The following PWP1 variants were observed in gnomAD, a reference collection of about 807,000 sequenced individuals.
The protein encoded by PWP1 is PWP1 homolog, endonuclein.
A neutral mutation model predicts 69.9 loss-of-function variants in PWP1; 47 were observed. The observed-to-expected ratio is 0.67, with a 90% CI of 0.53 to 0.86. The LOEUF (loss-of-function observed/expected upper bound fraction) is 0.86, where lower values mean the gene tolerates loss of function less well. Ranked by LOEUF, PWP1 falls within the 40% of genes least tolerant of loss-of-function variation. The pLI, the probability that PWP1 is intolerant of heterozygous loss-of-function variation, is 0.00. For synonymous variants in PWP1, 222 were observed against 208.2 expected (o/e 1.07, Z -0.57); for missense variants, 551 against 608.8 (o/e 0.91, Z 1.00).
chr12:107,702,910 C>G (rs1430502460), intron 8 of PWP1, 25 bp from the exon 9 acceptor site: 1 of 1,435,106 alleles, frequency 7.0e-7, no homozygotes, highest in East Asian at 2.3e-5. Context: ...AAAAGATTAC[C>G]TGATTGGATT....
chr12:107,694,938 G>A (rs763347327), intron 5 of PWP1, among the ~76,000 whole-genome samples: 58 of 152,148 alleles, frequency 3.8e-4, no homozygotes, highest in Non-Finnish European at 2.1e-4. Flanking sequence ...TTGATCTCAC[G>A]TGGTTAAGAG....
chr12:107,711,040 C>G (rs1442191599), intron 14 of PWP1, among the ~76,000 whole-genome samples: 2 of 152,310 alleles, frequency 1.3e-5, no homozygotes, highest in South Asian at 2.1e-4. Context: ...TCAGAGCAGA[C>G]AGCCCCGAAC....
chr12:107,687,117 A>T (rs1351500059), intron 1 of PWP1, among the ~76,000 whole-genome samples: 1 of 152,110 alleles, frequency 6.6e-6, no homozygotes, highest in East Asian at 1.9e-4. Context: ...CAAGATAATG[A>T]TGATGGTGAT....
At chr12:107,689,401 G>A (rs1368499852) in intron 3 of PWP1, among the ~76,000 whole-genome samples, 1 of 152,160 alleles carries the variant, frequency 6.6e-6, no homozygotes, top group Non-Finnish European at 1.5e-5. Context: ...TATCCCCCGT[G>A]GATAAGGGGG....
intron 6 of PWP1, 69 bp downstream of exon 6, chr12:107,696,653 A>T (rs760051086): frequency 1.3e-6 from 2 of 1,592,484 alleles, no homozygotes; most frequent in Middle Eastern, 1.7e-4. Flanking sequence ...TCCATAAATT[A>T]TGTATTCTCT....
chr12:107,693,067 A>G lies in PWP1; in HGVS notation c.473A>G (p.Glu158Gly). The change falls in exon 5 of 15, where the codon GAA becomes GGA. Residue 158 changes from glutamate to glycine, a missense_variant. Physicochemically the swap from Glu to Gly is moderately conservative, Grantham distance 98. Coordinates refer to ENST00000412830, the MANE Select transcript of PWP1 (RefSeq NM_007062.3). ...SDNLIVCGRA[E>G]QDQCNLEVHV... ...AATCTTATAGTTTGTGGCCGAGCTGAACAGGACCAGTGCAATTTAGAGGTG... is the reference window on the plus strand; with the variant it reads ...AATCTTATAGTTTGTGGCCGAGCTGGACAGGACCAGTGCAATTTAGAGGTG... 1 of 1,614,048 alleles carries G rather than the reference A, an allele frequency of 6.2e-7. No homozygotes were observed. Among genetic ancestry groups the G allele is most frequent in the Non-Finnish European group, 8.5e-7 (1 of 1,179,988 alleles).
intron 1 of PWP1, among the ~76,000 whole-genome samples, chr12:107,686,510 A>C (rs1024709568): frequency 2.6e-5 from 4 of 152,218 alleles, no homozygotes; most frequent in African/African-American, 9.6e-5. Context: ...TGATGGTAGC[A>C]GGGAGGATGA....
intron 3 of PWP1, among the ~76,000 whole-genome samples, chr12:107,691,579 G>A (rs1889479866): frequency 6.6e-6 from 1 of 151,940 alleles, no homozygotes; most frequent in Admixed American, 6.6e-5. Context: ...ATGAGGAGGA[G>A]GACATGGAAG....
intron 5 of PWP1, among the ~76,000 whole-genome samples, chr12:107,694,751 G>C (rs1297207554): frequency 6.6e-6 from 1 of 151,844 alleles, no homozygotes; most frequent in African/African-American, 2.4e-5. Flanking sequence ...TCATTCCTTT[G>C]AACTCAGGAT....
chr12:107,704,482 C>G (rs531512703), intron 10 of PWP1, among the ~76,000 whole-genome samples, 154 bp from the exon 11 acceptor site: 53 of 152,316 alleles, frequency 3.5e-4, no homozygotes, highest in Middle Eastern at 3.4e-3. Flanking sequence ...ATTACTGAAA[C>G]TCAGCTCATT....
chr12:107,696,360 T>G, intron 5 of PWP1, 114 bp from the exon 6 acceptor site: 2 of 1,406,266 alleles, frequency 1.4e-6, no homozygotes, highest in Non-Finnish European at 1.9e-6. Context: ...ATCAGATGTC[T>G]CACTTTAAAG....
At position 107,704,704 on chromosome 12, in the gene PWP1, T is replaced by C. The variant is rs751281717; in HGVS notation, c.1034T>C (p.Ile345Thr). Residue 345 changes from isoleucine to threonine, a missense_variant, in exon 11 of 15, where the codon ATA becomes ACA. Ile to Thr is a moderately conservative substitution (Grantham distance 89). Coordinates refer to ENST00000412830, the MANE Select transcript of PWP1 (RefSeq NM_007062.3). ...SHRMWRFSGQ[I>T]ERVTWNHFSP... Reference sequence around the variant, plus strand: ...CGAATGTGGCGATTCAGTGGGCAGATAGAGAGAGTGACTTGGAATCACTTT... The same window carrying C: ...CGAATGTGGCGATTCAGTGGGCAGACAGAGAGAGTGACTTGGAATCACTTT... 36 of 1,614,028 alleles carry C rather than the reference T, an allele frequency of 2.2e-5. No individual in the cohort carries two copies. The East Asian group carries it at 4.7e-4, about 21-fold the overall frequency.
intron 3 of PWP1, among the ~76,000 whole-genome samples, chr12:107,691,815 T>C (rs1056281141): frequency 8.5e-5 from 13 of 152,212 alleles, no homozygotes; most frequent in African/African-American, 3.1e-4. Flanking sequence ...CGCTTGGCCA[T>C]CTGTCCTATG....
Position 107,685,856 on chromosome 12 carries a change from A to C in PWP1, c.-44A>C. On this transcript the variant is annotated 5_prime_UTR_variant, in exon 1 of 15. An upstream start codon of the reference 5' UTR is lost. Transcript: ENST00000412830. ...AGCAGTGCGGTCGTGGTCCCTCCCT[A>C]TGCAGCCTGGTTTCTAGCGTGACAC... 6.2e-7 allele frequency: 1 copy of C among 1,608,762 alleles called. No individual in the cohort carries two copies. Among genetic ancestry groups the C allele is most frequent in the South Asian group, 1.1e-5 (1 of 90,960 alleles).
chr12:107,711,900 G>A (rs1889959722), intron 14 of PWP1, among the ~76,000 whole-genome samples: 1 of 152,110 alleles, frequency 6.6e-6, no homozygotes, highest in South Asian at 2.1e-4. Flanking sequence ...ATAAATCCAA[G>A]ACATGGCAAA....
intron 1 of PWP1, among the ~76,000 whole-genome samples, chr12:107,687,285 C>G (rs534649009): frequency 6.6e-6 from 1 of 152,208 alleles, no homozygotes; most frequent in Non-Finnish European, 1.5e-5. Context: ...AGAATAGGGA[C>G]AGAAAATTAT....
At chr12:107,695,003 C>T (rs954266677) in intron 5 of PWP1, among the ~76,000 whole-genome samples, 11 of 151,906 alleles carry the variant, frequency 7.2e-5, no homozygotes, top group African/African-American at 2.4e-4. Flanking sequence ...TGCTTGTAAT[C>T]CCAGCAATTT....
At chr12:107,692,321 A>G (rs535126712) in intron 3 of PWP1, among the ~76,000 whole-genome samples, 7 of 152,360 alleles carry the variant, frequency 4.6e-5, no homozygotes, top group Admixed American at 3.3e-4. Context: ...TCATATGCCA[A>G]TAAGGCATAT....
chr12:107,689,327 A>T (rs1488494602), intron 3 of PWP1, among the ~76,000 whole-genome samples: 1 of 152,250 alleles, frequency 6.6e-6, no homozygotes, highest in Non-Finnish European at 1.5e-5. Context: ...TATAGGAAAA[A>T]CATAATGTAT....
Sources: gnomAD v4.1 joint callset for allele counts (sites outside exome capture counted in the v4.1 genomes callset) on GRCh38, gnomAD v4.1.1 for gene constraint, MANE v1.5 for transcripts, NCBI Gene and HGNC (gene_info 2026-07-23, HGNC 2026-07-21) for gene names.